Variants in KIF3B observed in about 807,000 individuals in gnomAD.
KIF3B encodes kinesin-like protein KIF3B.
In KIF3B, 38 loss-of-function variants were observed where a neutral mutation model predicts 74.3. The ratio of observed to expected loss-of-function variants is 0.51; its 90% CI spans 0.39 to 0.67. The LOEUF is 0.67. Among genes scored for constraint, KIF3B ranks in the 30% least tolerant of loss-of-function variants. KIF3B has a pLI of 0.00. For synonymous variants in KIF3B, 326 were observed against 342.5 expected, an observed-to-expected ratio of 0.95 and a Z score of 0.53; for missense variants, 649 against 932.0, an observed-to-expected ratio of 0.70 and a Z score of 3.95.
At chr20:32,290,585 T>C (rs1005119194) in intron 1 of KIF3B, among the ~76,000 whole-genome samples, 1 of 151,920 alleles carries the variant, frequency 6.6e-6, no homozygotes, top group African/African-American at 2.4e-5. Context: ...GAATATGTGG[T>C]ACAGGCCAGG....
At chr20:32,330,015 C>T in intron 7 of KIF3B, 126 bp from the exon 8 acceptor site, 1 of 758,786 alleles carries the variant, frequency 1.3e-6, no homozygotes. Flanking sequence ...TTCAGGCAGG[C>T]TCTTTCTTGA....
Position 32,316,659 on chromosome 20 carries a change from G to C in KIF3B, c.1629+10G>C. The C allele has an allele frequency of 6.2e-7, 1 of 1,614,154 alleles. No homozygotes were observed. Among genetic ancestry groups the C allele is most frequent in the Non-Finnish European group, 8.5e-7 (1 of 1,180,020 alleles). ...CAAAAAACTCAAAAAGGTATGAAAG[G>C]AATGAGGCCAGATGGAGTTGCCTTG... On this transcript the variant is annotated intron_variant, in intron 4 of 8. Coordinates refer to ENST00000375712, the MANE Select transcript of KIF3B (RefSeq NM_004798.4).
chr20:32,296,739 A>G (rs956013244), intron 1 of KIF3B, among the ~76,000 whole-genome samples: 43 of 152,312 alleles, frequency 2.8e-4, no homozygotes, highest in African/African-American at 9.6e-4. Flanking sequence ...TATTTTATGC[A>G]CATATAAGCA....
rs369017363 is a variant in KIF3B, at chr20:32,280,510, C to G, written c.-66+2745C>G. ...CGGGTGGATCACGAGGTCAGGAGAT[C>G]GAGACCATCCTGGCTAGCACAGTGA... On this transcript the variant is annotated intron_variant, in intron 1 of 8. Transcript: ENST00000375712. Among the ~76,000 whole-genome samples, 130 of 151,280 alleles carry G rather than the reference C, an allele frequency of 8.6e-4. No individual in the cohort carries two copies. In the South Asian group the frequency reaches 0.026, roughly 30 times the overall value.
chr20:32,320,481 A>ATGTG (rs145644184), intron 5 of KIF3B, among the ~76,000 whole-genome samples: 12 of 141,674 alleles, frequency 8.5e-5, no homozygotes, highest in African/African-American at 2.4e-4. Flanking sequence ...CTTTCTTCAT[A>ATGTG]TGTGTGTGTG....
intron 1 of KIF3B, among the ~76,000 whole-genome samples, chr20:32,290,198 C>A (rs886274611): frequency 6.6e-6 from 1 of 151,928 alleles, no homozygotes; most frequent in Non-Finnish European, 1.5e-5. Context: ...GCCTGGCCAA[C>A]ATAGTGAAAC....
At chr20:32,279,406 A>T (rs2047631715) in intron 1 of KIF3B, among the ~76,000 whole-genome samples, 1 of 151,924 alleles carries the variant, frequency 6.6e-6, no homozygotes, top group African/African-American at 2.4e-5. Context: ...ACAAGATCTC[A>T]GGTAAAGCTT....
chr20:32,299,552 C>G (rs1023754533), intron 1 of KIF3B, among the ~76,000 whole-genome samples: 1 of 150,404 alleles, frequency 6.6e-6, no homozygotes, highest in Middle Eastern at 3.5e-3. Flanking sequence ...GCTGGGATTA[C>G]AGCGCATCGC....
intron 1 of KIF3B, among the ~76,000 whole-genome samples, chr20:32,293,942 A>G (rs1161310563): frequency 6.6e-6 from 1 of 152,190 alleles, no homozygotes; most frequent in African/African-American, 2.4e-5. Flanking sequence ...TGACTCTTCC[A>G]CTTAATTGTC....
chr20:32,331,403 C>A lies in KIF3B; in HGVS notation c.*84C>A. On this transcript the variant is annotated 3_prime_UTR_variant, in exon 9 of 9. Coordinates refer to ENST00000375712, the MANE Select transcript of KIF3B (RefSeq NM_004798.4). The stretch of plus-strand genomic sequence containing the variant: ...GCAAAAAGCTGCAGAGAGGATTCGG[C>A]CCAAACTCAGAACTGTTCCCCTGAG... 1.8e-6 allele frequency: 2 copies of A among 1,126,428 alleles called. No individual in the cohort carries two copies. The highest frequency in any genetic ancestry group is 2.2e-5 in the Admixed American group (1 of 45,238). The allele number at this position is 1,126,428 out of a possible 1,614,324, so 69.8% of individuals were successfully genotyped here.
At chr20:32,289,912 G>A (rs2047683576) in intron 1 of KIF3B, among the ~76,000 whole-genome samples, 1 of 152,072 alleles carries the variant, frequency 6.6e-6, no homozygotes, top group African/African-American at 2.4e-5. Flanking sequence ...TTACTTCCCT[G>A]TCTAAGTCTC....
Position 32,331,371 on chromosome 20 carries a change from G to A in KIF3B, c.*52G>A, listed in dbSNP as rs1600442504. On this transcript the variant is annotated 3_prime_UTR_variant, in exon 9 of 9. Coordinates refer to ENST00000375712, the MANE Select transcript of KIF3B (RefSeq NM_004798.4). ...AAACAGCATTTGCCTTCTGAGAGAAGAGACTAGCAAAAAGCTGCAGAGAGG... is the reference window on the plus strand; with the variant it reads ...AAACAGCATTTGCCTTCTGAGAGAAAAGACTAGCAAAAAGCTGCAGAGAGG... 1 of 1,438,560 alleles carries A rather than the reference G, an allele frequency of 7.0e-7. No homozygotes were observed. Among genetic ancestry groups the A allele is most frequent in the Admixed American group, 1.9e-5 (1 of 52,386 alleles). 89.1% of individuals were successfully genotyped at this position (1,438,560 alleles called of 1,614,324 possible). A position where few individuals can be genotyped will look rare whatever the true frequency, so the allele number is the denominator to read the frequency against.
Position 32,327,575 on chromosome 20 carries a change from CG to C in KIF3B, c.1884del (p.Pro629GlnfsTer11). ...TRLENQQMMK[R>X]PVSAVGYKRP... is the part of the protein sequence containing the mutation. The stretch of plus-strand genomic sequence containing the variant: ...TTCCAGGAACCAGCAGATGATGAAG[CG>C]GCCAGTCTCAGCCGTGGGATATAAG... On this transcript the variant is annotated frameshift_variant, in exon 7 of 9. Coordinates refer to ENST00000375712, the MANE Select transcript of KIF3B (RefSeq NM_004798.4). LOFTEE classifies it high-confidence loss of function. 6.2e-7 allele frequency: 1 copy of C among 1,613,190 alleles called. No individual in the cohort carries two copies. The highest frequency in any genetic ancestry group is 8.5e-7 in the Non-Finnish European group (1 of 1,179,490).
intron 1 of KIF3B, among the ~76,000 whole-genome samples, chr20:32,300,126 A>G (rs1440529671): frequency 2.7e-5 from 4 of 150,662 alleles, no homozygotes; most frequent in African/African-American, 9.8e-5. Flanking sequence ...GTTTACAGAT[A>G]GTGTCTCCCT....
At chr20:32,287,453 C>T (rs1201211413) in intron 1 of KIF3B, among the ~76,000 whole-genome samples, 1 of 151,380 alleles carries the variant, frequency 6.6e-6, no homozygotes, top group Non-Finnish European at 1.5e-5. Context: ...TCCTAAGCAG[C>T]CAGGGCCACA....
chr20:32,314,935 C>G (rs999561003), intron 2 of KIF3B, among the ~76,000 whole-genome samples: 4 of 152,182 alleles, frequency 2.6e-5, no homozygotes, highest in Admixed American at 6.5e-5. Context: ...TTCCTTATCT[C>G]AGGGAAGCCA....
At chr20:32,313,177 CT>C (rs901077563) in intron 2 of KIF3B, among the ~76,000 whole-genome samples, 2 of 152,142 alleles carry the variant, frequency 1.3e-5, no homozygotes, top group Non-Finnish European at 2.9e-5. Context: ...AGCCTTCTTT[CT>C]GGTGGCAATG....
At position 32,290,598 on chromosome 20, in the gene KIF3B, C is replaced by A. The variant is rs145447935; in HGVS notation, c.-66+12833C>A. ...AAGAATATGTGGTACAGGCCAGGCG[C>A]GATGGCTCACGCCTGTAATCCCAGC... On this transcript the variant is annotated intron_variant, in intron 1 of 8. Transcript: ENST00000375712. Among the ~76,000 whole-genome samples, 387 of 151,898 alleles carry A rather than the reference C, an allele frequency of 2.5e-3. 1 individual carries two copies. Among genetic ancestry groups the A allele is most frequent in the African/African-American group, 7.8e-3 (325 of 41,432 alleles).
intron 1 of KIF3B, among the ~76,000 whole-genome samples, chr20:32,290,107 A>G (rs2047684423): frequency 6.6e-6 from 1 of 152,138 alleles, no homozygotes; most frequent in Non-Finnish European, 1.5e-5. Context: ...AGAACTACGA[A>G]TGATAGGCTG....
Sources: gnomAD v4.1 joint callset for allele counts (sites outside exome capture counted in the v4.1 genomes callset) on GRCh38, gnomAD v4.1.1 for gene constraint, MANE v1.5 for transcripts, NCBI Gene and HGNC (gene_info 2026-07-23, HGNC 2026-07-21) for gene names.